FAM81A: variants seen among roughly 807,000 people sequenced by gnomAD.
FAM81A encodes the protein protein FAM81A.
Under a neutral mutation model 46.7 loss-of-function variants are expected in FAM81A, and 19 were observed. That is an observed-to-expected ratio of 0.41 (90% confidence interval 0.28 to 0.60). The LOEUF (loss-of-function observed/expected upper bound fraction) is 0.60, where lower values mean the gene tolerates loss of function less well. Among genes scored for constraint, FAM81A ranks in the 20% least tolerant of loss-of-function variants. The pLI, the probability that FAM81A is intolerant of heterozygous loss-of-function variation, is 0.34. For missense variants in FAM81A, 377 were observed against 453.5 expected, an observed-to-expected ratio of 0.83 and a Z score of 1.53; for synonymous variants, 183 against 152.9, an observed-to-expected ratio of 1.20 and a Z score of -1.45.
intron 2 of FAM81A, among the ~76,000 whole-genome samples, chr15:59,425,682 G>A (rs2081191865): frequency 6.6e-6 from 1 of 152,174 alleles, no homozygotes; most frequent in Non-Finnish European, 1.5e-5. Flanking sequence ...CTGGAGTACA[G>A]TGGCATGATC....
At chr15:59,441,805 C>G (rs913962377) in intron 1 of FAM81A, among the ~76,000 whole-genome samples, 1 of 152,208 alleles carries the variant, frequency 6.6e-6, no homozygotes, top group Non-Finnish European at 1.5e-5. Context: ...CATGTAGACA[C>G]GGGGATGCTG....
chr15:59,476,262 A>G (rs2081766765), intron 3 of FAM81A, among the ~76,000 whole-genome samples: 1 of 149,670 alleles, frequency 6.7e-6, no homozygotes, highest in South Asian at 2.1e-4. Flanking sequence ...TTGCTCTGTC[A>G]TTCAGGCTGG....
At chr15:59,405,485 A>T (rs1168050965) in intron 2 of FAM81A, among the ~76,000 whole-genome samples, 1 of 152,050 alleles carries the variant, frequency 6.6e-6, no homozygotes, top group East Asian at 1.9e-4. Flanking sequence ...TACTAAAAAG[A>T]TGAAAATTAG....
intron 1 of FAM81A, among the ~76,000 whole-genome samples, chr15:59,442,618 C>CAAAAAAAAAAAAAAAAAAAAAAA (rs1196305104): frequency 3.9e-5 from 3 of 76,700 alleles, no homozygotes; most frequent in Non-Finnish European, 8.0e-5. Flanking sequence ...CTCCGTCTCT[C>CAAAAAAAAAAAAAAAAAAAAAAA]AAAAAAAAAA....
intron 3 of FAM81A, among the ~76,000 whole-genome samples, chr15:59,484,324 C>T (rs2081891158): frequency 6.6e-6 from 1 of 152,148 alleles, no homozygotes; most frequent in African/African-American, 2.4e-5. Flanking sequence ...TAGAAGCCTC[C>T]ACCAATTGTC....
intron 2 of FAM81A, among the ~76,000 whole-genome samples, chr15:59,415,043 C>T (rs1197382716): frequency 2.6e-5 from 4 of 151,900 alleles, no homozygotes; most frequent in South Asian, 4.1e-4. Context: ...GTCTTGATCT[C>T]CTGACCTCAC....
chr15:59,460,179 A>T lies in FAM81A; in HGVS notation c.267A>T (p.Ile89=). Reference sequence around the variant, plus strand: ...AGCATATCAGAAACATAACTGCCATAGTGAAGCAACTTAATCGGGATATCG... The same window carrying T: ...AGCATATCAGAAACATAACTGCCATTGTGAAGCAACTTAATCGGGATATCG... ...LEEHIRNITA[I]VKQLNRDIEV... The change falls in exon 3 of 9, where the codon ATA becomes ATT. Residue 89 remains isoleucine (I), a synonymous_variant. Transcript: ENST00000288228. This position sits in a 1 kb window ranked among gnomAD's most constrained non-coding sequence, Gnocchi z 4.4. 3 of 1,614,060 alleles carry T rather than the reference A, an allele frequency of 1.9e-6. No homozygotes were observed. Among genetic ancestry groups the T allele is most frequent in the Non-Finnish European group, 2.5e-6 (3 of 1,179,910 alleles).
chr15:59,474,358 G>A (rs2081739182), intron 3 of FAM81A, among the ~76,000 whole-genome samples: 1 of 152,202 alleles, frequency 6.6e-6, no homozygotes, highest in Admixed American at 6.5e-5. Context: ...GGAAGTCCAA[G>A]CCCAAGGCAC....
chr15:59,505,724 G>C (rs371912641), intron 4 of FAM81A, among the ~76,000 whole-genome samples: 8 of 152,148 alleles, frequency 5.3e-5, no homozygotes, highest in African/African-American at 1.9e-4. Flanking sequence ...CTCACTGTCA[G>C]AATCTAACTC....
At chr15:59,489,865 G>T (rs74357322) in intron 3 of FAM81A, among the ~76,000 whole-genome samples, 14,952 of 152,218 alleles carry the variant, frequency 0.098, 945 homozygotes, top group Non-Finnish European at 0.14. Flanking sequence ...GCAGAAGCAT[G>T]AAATTAGACC....
At chr15:59,486,671 C>G (rs2081920546) in intron 3 of FAM81A, among the ~76,000 whole-genome samples, 2 of 151,988 alleles carry the variant, frequency 1.3e-5, no homozygotes, top group South Asian at 4.1e-4. Context: ...ACAAAAGAAA[C>G]AAATAACATA....
chr15:59,503,296 T>C (rs1193433721), intron 4 of FAM81A, among the ~76,000 whole-genome samples: 6 of 150,758 alleles, frequency 4.0e-5, no homozygotes, highest in Non-Finnish European at 7.4e-5. Context: ...TCCTTAGAGG[T>C]AACTAATGTT....
intron 2 of FAM81A, among the ~76,000 whole-genome samples, chr15:59,419,555 A>G (rs77800343): frequency 0.029 from 4,330 of 151,508 alleles, 194 homozygotes; most frequent in African/African-American, 0.1. Context: ...TTTCTTCCCA[A>G]TGGTTTCCTG....
At position 59,493,038 on chromosome 15, in the gene FAM81A, G is replaced by A. The variant is rs370213533; in HGVS notation, c.413+649G>A. Among the ~76,000 whole-genome samples the A allele has an allele frequency of 3.3e-5, 5 of 152,136 alleles. No individual in the cohort carries two copies. In the East Asian group the frequency reaches 5.8e-4, roughly 18 times the overall value. ...TTATCTGGCTGGGACAAATTTGTCC[G>A]AAGTATTTATGGGCCTCTTCTGCCC... On this transcript the variant is annotated intron_variant, in intron 4 of 8. Transcript: ENST00000288228.
intron 4 of FAM81A, among the ~76,000 whole-genome samples, chr15:59,501,545 A>G (rs2082090815): frequency 6.6e-6 from 1 of 152,194 alleles, no homozygotes; most frequent in Non-Finnish European, 1.5e-5. Flanking sequence ...GATGTTTTAA[A>G]TGTCATTGGG....
At chr15:59,484,350 C>A (rs1210716427) in intron 3 of FAM81A, among the ~76,000 whole-genome samples, 1 of 152,102 alleles carries the variant, frequency 6.6e-6, no homozygotes, top group Non-Finnish European at 1.5e-5. Context: ...CACATGAACA[C>A]CAAATTTAAC....
intron 4 of FAM81A, among the ~76,000 whole-genome samples, chr15:59,506,170 T>C (rs750633543): frequency 6.6e-6 from 1 of 151,978 alleles, no homozygotes; most frequent in Non-Finnish European, 1.5e-5. Flanking sequence ...TTTGTTTTGT[T>C]TTGTATTATC....
At chr15:59,470,462 A>G (rs560162515) in intron 3 of FAM81A, among the ~76,000 whole-genome samples, 1 of 152,248 alleles carries the variant, frequency 6.6e-6, no homozygotes, top group South Asian at 2.1e-4. Context: ...TTTGTCTTCA[A>G]TCACTGATAC....
chr15:59,407,715 G>T (rs2081102666), intron 2 of FAM81A: 2 of 191,310 alleles, frequency 1.0e-5, no homozygotes, highest in Non-Finnish European at 1.1e-5. Flanking sequence ...TCTCCACCAA[G>T]GTGGCAATGG....
Sources: gnomAD v4.1 joint callset for allele counts (sites outside exome capture counted in the v4.1 genomes callset) on GRCh38, gnomAD v4.1.1 for gene constraint, Gnocchi (gnomAD v3.1) non-coding constraint, MANE v1.5 for transcripts, NCBI Gene and HGNC (gene_info 2026-07-23, HGNC 2026-07-21) for gene names.